CDH12: variants seen among roughly 807,000 people sequenced by gnomAD.
CDH12 encodes the protein cadherin 12.
In CDH12, 41 loss-of-function variants were observed where a neutral mutation model predicts 74.1. The observed-to-expected ratio is 0.55, with a 90% CI of 0.43 to 0.72. The LOEUF (loss-of-function observed/expected upper bound fraction) is 0.72. Ranked by LOEUF, CDH12 falls within the 30% of genes least tolerant of loss-of-function variation. The probability of loss-of-function intolerance (pLI) is 0.00; values close to 1 mark genes in which losing one functional copy is unlikely to be tolerated. For synonymous variants in CDH12, 399 were observed against 355.0 expected, an observed-to-expected ratio of 1.12 and a Z score of -1.39; for missense variants, 945 against 977.2, an observed-to-expected ratio of 0.97 and a Z score of 0.44.
intron 1 of CDH12, among the ~76,000 whole-genome samples, chr5:22,843,021 T>G (rs1014956435): frequency 2.0e-5 from 3 of 152,092 alleles, no homozygotes; most frequent in Non-Finnish European, 4.4e-5. Flanking sequence ...CAAATTGAAA[T>G]TATCTTATTT....
intron 5 of CDH12, among the ~76,000 whole-genome samples, chr5:21,987,314 T>C (rs562285398): frequency 1.3e-5 from 2 of 152,254 alleles, no homozygotes; most frequent in East Asian, 3.9e-4. Flanking sequence ...ATTAGTAAAA[T>C]GTAATACATT....
intron 6 of CDH12, among the ~76,000 whole-genome samples, chr5:21,960,187 G>A (rs983479094): frequency 7.9e-5 from 12 of 152,188 alleles, no homozygotes; most frequent in African/African-American, 2.9e-4. Flanking sequence ...CACCAAATGA[G>A]TCTGATAGAC....
intron 6 of CDH12, among the ~76,000 whole-genome samples, chr5:21,895,460 T>C (rs1463908969): frequency 2.0e-5 from 3 of 152,126 alleles, no homozygotes; most frequent in Non-Finnish European, 4.4e-5. Flanking sequence ...ACTTAGCCCA[T>C]CAGGACGCTC....
intron 9 of CDH12, among the ~76,000 whole-genome samples, chr5:21,813,774 CT>C (rs1405274514): frequency 6.6e-6 from 1 of 152,136 alleles, no homozygotes; most frequent in Non-Finnish European, 1.5e-5. Flanking sequence ...CTCATATTCC[CT>C]TCTAATACAG....
chr5:22,557,458 C>T (rs1738846405), intron 1 of CDH12, among the ~76,000 whole-genome samples: 3 of 152,050 alleles, frequency 2.0e-5, no homozygotes, highest in South Asian at 2.1e-4. Context: ...AAGGGAAAGG[C>T]ATTGCCAGCA....
chr5:22,820,496 A>T (rs1463168089), intron 1 of CDH12, among the ~76,000 whole-genome samples: 5 of 152,316 alleles, frequency 3.3e-5, no homozygotes, highest in African/African-American at 1.2e-4. Context: ...TAGCAAGACT[A>T]ATAAAGAAGA....
intron 3 of CDH12, among the ~76,000 whole-genome samples, chr5:22,346,619 G>A (rs1740126877): frequency 6.6e-6 from 1 of 152,204 alleles, no homozygotes; most frequent in Non-Finnish European, 1.5e-5. Flanking sequence ...CACAAGAAAT[G>A]TCAATCTGGG....
chr5:21,917,954 G>A (rs1754175574), intron 6 of CDH12, among the ~76,000 whole-genome samples: 1 of 152,044 alleles, frequency 6.6e-6, no homozygotes, highest in African/African-American at 2.4e-5. Flanking sequence ...ACATCTTACT[G>A]GTTCCCTCTT....
intron 1 of CDH12, among the ~76,000 whole-genome samples, chr5:22,820,818 G>T (rs577068396): frequency 6.6e-6 from 1 of 152,066 alleles, no homozygotes; most frequent in African/African-American, 2.4e-5. Flanking sequence ...AGGAGGAACC[G>T]GTACCATTCC....
At chr5:22,769,681 T>C (rs1746708027) in intron 1 of CDH12, among the ~76,000 whole-genome samples, 1 of 152,138 alleles carries the variant, frequency 6.6e-6, no homozygotes, top group Non-Finnish European at 1.5e-5. Context: ...CTATTAGTTC[T>C]ATATTATCAG....
At chr5:22,553,165 G>A (rs527555852) in intron 1 of CDH12, among the ~76,000 whole-genome samples, 1 of 152,148 alleles carries the variant, frequency 6.6e-6, no homozygotes, top group South Asian at 2.1e-4. Context: ...TTTGTTAATG[G>A]ATCACTAACT....
chr5:22,202,796 T>C (rs1022856533), intron 4 of CDH12, among the ~76,000 whole-genome samples: 2 of 152,222 alleles, frequency 1.3e-5, no homozygotes, highest in African/African-American at 4.8e-5. Context: ...GCCAAATTTA[T>C]GCTCATTCAA....
intron 1 of CDH12, among the ~76,000 whole-genome samples, chr5:22,842,468 G>A (rs1300410014): frequency 6.6e-6 from 1 of 151,994 alleles, no homozygotes; most frequent in Non-Finnish European, 1.5e-5. Flanking sequence ...AGAGTTTTTT[G>A]CAAGAGAGTT....
intron 6 of CDH12, among the ~76,000 whole-genome samples, chr5:21,963,034 C>A (rs1355941511): frequency 6.6e-6 from 1 of 152,078 alleles, no homozygotes; most frequent in Non-Finnish European, 1.5e-5. Flanking sequence ...CAAATTTCAG[C>A]CGCTTCAGCA....
intron 4 of CDH12, among the ~76,000 whole-genome samples, chr5:22,165,517 C>CAT (rs72047038): frequency 0.8 from 121,157 of 150,904 alleles, 48,947 homozygotes; most frequent in East Asian, 0.87. Context: ...CACACATACA[C>CAT]ACACACACAC....
At chr5:22,384,479 T>C (rs1015585912) in intron 3 of CDH12, among the ~76,000 whole-genome samples, 2 of 130,836 alleles carry the variant, frequency 1.5e-5, no homozygotes, top group Non-Finnish European at 3.1e-5. Context: ...TGAGCCGAGA[T>C]TGCACCACTG....
chr5:22,311,385 G>A (rs1738381341), intron 3 of CDH12, among the ~76,000 whole-genome samples: 1 of 152,008 alleles, frequency 6.6e-6, no homozygotes. Context: ...AATGAGTAAG[G>A]CAGCTATTCA....
chr5:22,597,318 C>T (rs1305752266), intron 1 of CDH12, among the ~76,000 whole-genome samples: 1 of 152,136 alleles, frequency 6.6e-6, no homozygotes, highest in East Asian at 1.9e-4. Context: ...AAATATGTAA[C>T]TTGTAGATAA....
At chr5:22,338,912 A>G (rs1484842006) in intron 3 of CDH12, among the ~76,000 whole-genome samples, 1 of 152,182 alleles carries the variant, frequency 6.6e-6, no homozygotes, top group African/African-American at 2.4e-5. Context: ...CAGGAGCTAA[A>G]GGTGACTCCC....
Sources: allele counts gnomAD v4.1 joint callset (sites outside exome capture counted in the v4.1 genomes callset), GRCh38; gene constraint gnomAD v4.1.1; transcripts MANE v1.5; gene names NCBI Gene and HGNC (gene_info 2026-07-23, HGNC 2026-07-21).